The following CTNNA3 variants were observed in gnomAD, a reference collection of about 807,000 sequenced individuals.
CTNNA3 encodes catenin alpha-3.
CTNNA3 carries 76 observed loss-of-function variants against 95.7 expected under a neutral mutation model. That is an observed-to-expected ratio of 0.79 (90% CI 0.66 to 0.96). CTNNA3 has a LOEUF of 0.96. Ranked by LOEUF, CTNNA3 falls within the 40% of genes least tolerant of loss-of-function variation. The probability of loss-of-function intolerance (pLI) is 0.00; values close to 1 mark genes in which losing one functional copy is unlikely to be tolerated. For synonymous variants in CTNNA3, 431 were observed against 374.4 expected, an observed-to-expected ratio of 1.15 and a Z score of -1.74; for missense variants, 1,191 against 1,089.8, an observed-to-expected ratio of 1.09 and a Z score of -1.31.
chr10:66,435,740 T>C (rs1347815100), intron 11 of CTNNA3, among the ~76,000 whole-genome samples: 1 of 152,172 alleles, frequency 6.6e-6, no homozygotes, highest in Admixed American at 6.6e-5. Context: ...TTGTTTGCTA[T>C]TGCTTCTCTA....
intron 11 of CTNNA3, among the ~76,000 whole-genome samples, chr10:66,405,994 A>T (rs879764137): frequency 1.3e-5 from 2 of 152,136 alleles, no homozygotes; most frequent in Middle Eastern, 3.2e-3. Context: ...TTAACTCTTT[A>T]GTTTCACTCC....
chr10:67,467,883 G>GT (rs1847659707), intron 5 of CTNNA3, among the ~76,000 whole-genome samples: 2 of 151,572 alleles, frequency 1.3e-5, no homozygotes, highest in Non-Finnish European at 2.9e-5. Context: ...GCTAATTTTT[G>GT]TATTTTTTGT....
chr10:66,441,813 A>G (rs4271282), intron 11 of CTNNA3, among the ~76,000 whole-genome samples: 62,616 of 152,044 alleles, frequency 0.41, 13,961 homozygotes, highest in East Asian at 0.6. Context: ...GTAGATTCAC[A>G]GCTGTGTATT....
chr10:66,770,006 A>T (rs1374774943), intron 8 of CTNNA3, among the ~76,000 whole-genome samples: 1 of 152,186 alleles, frequency 6.6e-6, no homozygotes, highest in Non-Finnish European at 1.5e-5. Flanking sequence ...TTGTTTGATC[A>T]TGCACCAAGT....
chr10:67,365,165 G>A (rs751918607), intron 5 of CTNNA3, among the ~76,000 whole-genome samples: 8 of 152,000 alleles, frequency 5.3e-5, no homozygotes, highest in East Asian at 3.9e-4. Context: ...GAAAACTGGC[G>A]AACCATATGT....
intron 11 of CTNNA3, among the ~76,000 whole-genome samples, chr10:66,424,508 T>C (rs1169849386): frequency 6.6e-6 from 1 of 152,044 alleles, no homozygotes; most frequent in Non-Finnish European, 1.5e-5. Flanking sequence ...ATTCTCATTG[T>C]CTTGCAATAT....
chr10:66,322,298 AAC>A (rs1424143860), intron 12 of CTNNA3, among the ~76,000 whole-genome samples: 1 of 152,140 alleles, frequency 6.6e-6, no homozygotes, highest in Non-Finnish European at 1.5e-5. Flanking sequence ...GGCACTGGAA[AAC>A]AGACACTAAG....
chr10:66,319,270 CTT>C (rs1170430848), intron 12 of CTNNA3, among the ~76,000 whole-genome samples: 8 of 152,078 alleles, frequency 5.3e-5, no homozygotes, highest in Admixed American at 2.0e-4. Flanking sequence ...GAAAAACACT[CTT>C]GGAGTAACAT....
At chr10:67,555,482 T>C (rs535149831) in intron 3 of CTNNA3, among the ~76,000 whole-genome samples, 1 of 152,326 alleles carries the variant, frequency 6.6e-6, no homozygotes, top group South Asian at 2.1e-4. Context: ...ATCTTGTAAG[T>C]TGGATTCCTA....
chr10:67,558,532 G>A (rs889382327), intron 3 of CTNNA3, among the ~76,000 whole-genome samples: 22 of 152,204 alleles, frequency 1.4e-4, no homozygotes, highest in African/African-American at 4.6e-4. Context: ...TAGGAACAGC[G>A]CCGGTCTACA....
intron 10 of CTNNA3, among the ~76,000 whole-genome samples, chr10:66,563,129 G>C (rs915252603): frequency 6.6e-6 from 1 of 151,994 alleles, no homozygotes; most frequent in African/African-American, 2.4e-5. Context: ...TAGTATCTTT[G>C]TAATTGCAAA....
chr10:66,172,072 T>C (rs1007957988), intron 13 of CTNNA3, among the ~76,000 whole-genome samples: 1 of 152,180 alleles, frequency 6.6e-6, no homozygotes, highest in Non-Finnish European at 1.5e-5. Context: ...TTCTTCACAG[T>C]ACTTTGCTTG....
chr10:66,445,015 G>C (rs943141166), intron 11 of CTNNA3, among the ~76,000 whole-genome samples: 2 of 151,626 alleles, frequency 1.3e-5, no homozygotes, highest in Non-Finnish European at 3.0e-5. Context: ...AAAGGCAGGG[G>C]TCGCAATCCT....
intron 11 of CTNNA3, among the ~76,000 whole-genome samples, chr10:66,511,215 G>A (rs1311404542): frequency 1.3e-5 from 2 of 151,656 alleles, no homozygotes; most frequent in Non-Finnish European, 3.0e-5. Flanking sequence ...CTGTATTTTT[G>A]TGGTGTCAGT....
intron 5 of CTNNA3, among the ~76,000 whole-genome samples, chr10:67,391,492 C>T (rs1370176615): frequency 5.9e-5 from 9 of 152,044 alleles, no homozygotes; most frequent in South Asian, 2.1e-4. Context: ...AGGTAATTTA[C>T]AGATTCAATG....
Position 67,351,715 on chromosome 10 carries a change from G to C in CTNNA3, c.580-131845C>G, listed in dbSNP as rs530219176. Among the ~76,000 whole-genome samples the C allele has an allele frequency of 3.7e-3, 561 of 151,958 alleles. 1 individual carries two copies. Among genetic ancestry groups the C allele is most frequent in the Middle Eastern group, 0.034 (10 of 294 alleles). On this transcript the variant is annotated intron_variant, in intron 5 of 17. Coordinates refer to ENST00000433211, the MANE Select transcript of CTNNA3 (RefSeq NM_013266.4). Reference sequence around the variant, plus strand: ...TGTCAAACTCCTTTCTGGCCAAAAGGGAATTTGTGACTTCCTGTTATGTTA... The same window carrying C: ...TGTCAAACTCCTTTCTGGCCAAAAGCGAATTTGTGACTTCCTGTTATGTTA...
chr10:67,683,895 G>A (rs934004129), intron 1 of CTNNA3, among the ~76,000 whole-genome samples: 52 of 152,200 alleles, frequency 3.4e-4, no homozygotes, highest in African/African-American at 1.2e-3. Flanking sequence ...CCTCCCGATG[G>A]GTTCACGGTC....
chr10:67,256,993 C>T (rs1217006263), intron 5 of CTNNA3, among the ~76,000 whole-genome samples: 2 of 152,106 alleles, frequency 1.3e-5, no homozygotes, highest in Admixed American at 6.5e-5. Context: ...TGCATCTTTG[C>T]TAAGATTTTA....
chr10:66,804,774 C>T (rs185944370), intron 7 of CTNNA3, among the ~76,000 whole-genome samples: 2 of 152,104 alleles, frequency 1.3e-5, no homozygotes, highest in South Asian at 2.1e-4. Flanking sequence ...TAGAAATTGG[C>T]TCTATTTAGC....
Sources: allele counts gnomAD v4.1 joint callset (sites outside exome capture counted in the v4.1 genomes callset), GRCh38; gene constraint gnomAD v4.1.1; transcripts MANE v1.5; gene names NCBI Gene and HGNC (gene_info 2026-07-23, HGNC 2026-07-21).